The following GALNT14 variants were observed in gnomAD, a reference collection of about 807,000 sequenced individuals.
GALNT14 encodes the protein UDP-GalNAc:polypeptide N-acetylgalactosaminyltransferase 14.
Under a neutral mutation model 77.5 loss-of-function variants are expected in GALNT14, and 60 were observed. The observed-to-expected ratio is 0.77, with a 90% CI of 0.63 to 0.96. GALNT14 has a LOEUF of 0.96. Among genes scored for constraint, GALNT14 ranks in the 40% least tolerant of loss-of-function variants. The probability of loss-of-function intolerance (pLI) is 0.00; values close to 1 mark genes in which losing one functional copy is unlikely to be tolerated. For missense variants in GALNT14, 710 were observed against 731.0 expected (o/e 0.97, Z 0.33); for synonymous variants, 280 against 281.7 (o/e 0.99, Z 0.06).
At chr2:30,960,395 T>G (rs1214136096) in intron 3 of GALNT14, among the ~76,000 whole-genome samples, 3 of 152,294 alleles carry the variant, frequency 2.0e-5, no homozygotes, top group South Asian at 4.1e-4. Flanking sequence ...AGTTCTCTTC[T>G]GCGAACATCA....
At chr2:30,916,588 C>T (rs57637330) in intron 13 of GALNT14, among the ~76,000 whole-genome samples, 172 of 152,266 alleles carry the variant, frequency 1.1e-3, no homozygotes, top group African/African-American at 4.0e-3. Context: ...ACCTTCTGTG[C>T]TTGGAGGACA....
At chr2:30,964,482 G>A (rs1445624821) in intron 3 of GALNT14, among the ~76,000 whole-genome samples, 2 of 152,204 alleles carry the variant, frequency 1.3e-5, no homozygotes, top group Non-Finnish European at 2.9e-5. Flanking sequence ...CTTTGTTATC[G>A]TTAATCTACC....
chr2:30,904,633 G>T, the GALNT14 span, among the ~76,000 whole-genome samples: 1 of 152,258 alleles, frequency 6.6e-6, no homozygotes, highest in South Asian at 2.1e-4. Flanking sequence ...GAGGCTGGGG[G>T]AGGGGCGCCC....
chr2:31,054,539 C>T (rs1457142781), intron 1 of GALNT14, among the ~76,000 whole-genome samples: 4 of 152,326 alleles, frequency 2.6e-5, no homozygotes, highest in East Asian at 1.9e-4. Context: ...CCCAGCATAG[C>T]GCCTACCCCA....
At chr2:31,038,026 G>T (rs1251696181) in intron 1 of GALNT14, among the ~76,000 whole-genome samples, 6 of 134,984 alleles carry the variant, frequency 4.4e-5, no homozygotes, top group African/African-American at 1.7e-4. Flanking sequence ...TCATTCTCCA[G>T]GTTTTTCTTT....
intron 1 of GALNT14, among the ~76,000 whole-genome samples, chr2:31,113,736 C>T (rs1217803677): frequency 6.6e-6 from 1 of 152,136 alleles, no homozygotes; most frequent in Non-Finnish European, 1.5e-5. Context: ...CATGCATTTT[C>T]AAGGAAATCA....
chr2:31,126,198 A>G (rs1275735614), intron 1 of GALNT14, among the ~76,000 whole-genome samples: 2 of 152,224 alleles, frequency 1.3e-5, no homozygotes, highest in Non-Finnish European at 2.9e-5. Context: ...ATTTCATCCA[A>G]CAATTTCTGA....
chr2:31,058,020 C>T (rs898182624), intron 1 of GALNT14, among the ~76,000 whole-genome samples: 3 of 152,162 alleles, frequency 2.0e-5, no homozygotes, highest in Non-Finnish European at 4.4e-5. Flanking sequence ...CTCCCTCCAC[C>T]AGTAACACTA....
intron 2 of GALNT14, among the ~76,000 whole-genome samples, chr2:30,982,097 G>A (rs936405295): frequency 3.3e-5 from 5 of 152,168 alleles, no homozygotes; most frequent in Admixed American, 3.3e-4. Flanking sequence ...GCTCGGGTAT[G>A]CAAACGGTCA....
chr2:31,025,615 A>T (rs1040561198), intron 1 of GALNT14, among the ~76,000 whole-genome samples: 8 of 152,226 alleles, frequency 5.3e-5, no homozygotes, highest in African/African-American at 1.9e-4. Flanking sequence ...ACCAGAGACC[A>T]AGAGCTCTAA....
intron 1 of GALNT14, among the ~76,000 whole-genome samples, chr2:31,038,951 G>A (rs1187904951): frequency 6.6e-6 from 1 of 152,006 alleles, no homozygotes; most frequent in African/African-American, 2.4e-5. Context: ...TCGCCATGTT[G>A]GCCAGGCTAG....
intron 1 of GALNT14, among the ~76,000 whole-genome samples, chr2:31,083,613 A>G (rs1676264393): frequency 6.6e-6 from 1 of 152,186 alleles, no homozygotes; most frequent in Non-Finnish European, 1.5e-5. Flanking sequence ...AGTCTGGCAC[A>G]AGGCAAGCAC....
chr2:31,119,602 G>A (rs1357219304), intron 1 of GALNT14, among the ~76,000 whole-genome samples: 4 of 152,150 alleles, frequency 2.6e-5, no homozygotes, highest in Admixed American at 1.3e-4. Context: ...CTTTGCTAAC[G>A]AAAATGTAGA....
chr2:30,929,388 C>G lies in GALNT14; in HGVS notation c.1151+7G>C. 6.2e-7 allele frequency: 1 copy of G among 1,611,572 alleles called. No individual in the cohort carries two copies. Among genetic ancestry groups the G allele is most frequent in the Non-Finnish European group, 8.5e-7 (1 of 1,177,798 alleles). Reference sequence around the variant, plus strand: ...CTCTGCCCTCCTCAACCTGAAGGGACACTTACTTCCCGAAGGGCCTCTCCA... The same window carrying G: ...CTCTGCCCTCCTCAACCTGAAGGGAGACTTACTTCCCGAAGGGCCTCTCCA... On this transcript the variant is annotated splice_region_variant and intron_variant, in intron 11 of 14. Transcript: ENST00000349752.
rs145992034 is a variant in GALNT14, at chr2:31,038,908, G to A, written c.130-45901C>T. 3.6e-3 allele frequency among the ~76,000 whole-genome samples: 544 copies of A among 152,006 alleles called. 7 individuals are homozygous for A. Among genetic ancestry groups the A allele is most frequent in the African/African-American group, 0.013 (525 of 41,448 alleles). The stretch of plus-strand genomic sequence containing the variant: ...CTACAGATGTGTGCCACTATGCCCC[G>A]CTAATTTTTTGTATTTTTGTAGAGA... On this transcript the variant is annotated intron_variant, in intron 1 of 14. Transcript: ENST00000349752.
chr2:30,887,574 G>C, the GALNT14 span, among the ~76,000 whole-genome samples: 2 of 151,862 alleles, frequency 1.3e-5, no homozygotes, highest in African/African-American at 4.8e-5. Context: ...TTGTCTTTTT[G>C]TTGTCCAGTT....
chr2:31,087,244 G>A (rs1486404360), intron 1 of GALNT14, among the ~76,000 whole-genome samples: 1 of 152,162 alleles, frequency 6.6e-6, no homozygotes, highest in Non-Finnish European at 1.5e-5. Flanking sequence ...TGAAGACATA[G>A]GGGGCAAATT....
Position 31,098,097 on chromosome 2 carries a change from G to A in GALNT14, c.129+39861C>T, listed in dbSNP as rs773441844. Among the ~76,000 whole-genome samples the A allele has an allele frequency of 1.0e-3, 152 of 152,102 alleles. 4 individuals carry two copies. The highest frequency in any genetic ancestry group is 1.9e-4 in the Non-Finnish European group (13 of 68,022). On this transcript the variant is annotated intron_variant, in intron 1 of 14. Transcript: ENST00000349752. ...TCACATTCTACGTCTCTATTAAAAA[G>A]CTGCAAAACAAGCATTTAACACTTG...
At chr2:30,891,678 G>C in the GALNT14 span, among the ~76,000 whole-genome samples, 1 of 152,136 alleles carries the variant, frequency 6.6e-6, no homozygotes, top group Non-Finnish European at 1.5e-5. Flanking sequence ...CTGTGTGACA[G>C]AGCCCAGTCA....
Sources: allele counts gnomAD v4.1 joint callset (sites outside exome capture counted in the v4.1 genomes callset), GRCh38; gene constraint gnomAD v4.1.1; transcripts MANE v1.5; gene names NCBI Gene and HGNC (gene_info 2026-07-23, HGNC 2026-07-21).